The following C6 variants were observed in gnomAD, a reference collection of about 807,000 sequenced individuals.
C6 encodes complement C6.
C6 carries 101 observed loss-of-function variants against 112.9 expected under a neutral mutation model. That is an observed-to-expected ratio of 0.89 (90% CI 0.76 to 1.06). The LOEUF is 1.06. Among genes scored for constraint, C6 ranks in the 50% least tolerant of loss-of-function variants. The pLI, the probability that C6 is intolerant of heterozygous loss-of-function variation, is 0.00. For synonymous variants in C6, 431 were observed against 384.1 expected, an observed-to-expected ratio of 1.12 and a Z score of -1.43; for missense variants, 1,202 against 1,104.6, an observed-to-expected ratio of 1.09 and a Z score of -1.25.
chr5:41,183,813 A>G (rs1275233436), intron 6 of C6, among the ~76,000 whole-genome samples: 1 of 152,204 alleles, frequency 6.6e-6, no homozygotes, highest in East Asian at 1.9e-4. Context: ...AAAGAATGAA[A>G]TCATGTCCTT....
chr5:41,247,160 G>A (rs1160664578), intron 1 of C6, among the ~76,000 whole-genome samples: 1 of 152,006 alleles, frequency 6.6e-6, no homozygotes, highest in Non-Finnish European at 1.5e-5. Flanking sequence ...CTCTAAATAA[G>A]CCAATTCAAG....
At chr5:41,249,522 C>T (rs1040891623) in intron 1 of C6, among the ~76,000 whole-genome samples, 1 of 152,162 alleles carries the variant, frequency 6.6e-6, no homozygotes, top group African/African-American at 2.4e-5. Context: ...TTGAGAGCCA[C>T]AGAGGAGATT....
At chr5:41,182,021 A>C (rs1195075125) in intron 6 of C6, among the ~76,000 whole-genome samples, 1 of 152,162 alleles carries the variant, frequency 6.6e-6, no homozygotes, top group Non-Finnish European at 1.5e-5. Flanking sequence ...TCAAGAGACG[A>C]GTCTGACTTC....
rs1702161062 is a variant in C6, at chr5:41,186,162, AGTTATCAAGG to A, written c.624_633del (p.Asp210SerfsTer38). On this transcript the variant is annotated frameshift_variant, in exon 6 of 18. Coordinates refer to ENST00000337836, the MANE Select transcript of C6 (RefSeq NM_000065.5). LOFTEE classifies it high-confidence loss of function. Reference sequence around the variant, plus strand: ...GTTTTACATATTCCTCCAGTGAAAGAGTTATCAAGGACTTCTCCTCTGGGCTCTCCTGCCA... The same window carrying A: ...GTTTTACATATTCCTCCAGTGAAAGAACTTCTCCTCTGGGCTCTCCTGCCA... 1.2e-6 allele frequency: 2 copies of A among 1,613,992 alleles called. No homozygotes were observed. Among genetic ancestry groups the A allele is most frequent in the Non-Finnish European group, 1.7e-6 (2 of 1,179,914 alleles).
chr5:41,245,728 CATTG>C (rs1740983980), intron 1 of C6, among the ~76,000 whole-genome samples: 1 of 151,616 alleles, frequency 6.6e-6, no homozygotes, highest in Non-Finnish European at 1.5e-5. Flanking sequence ...TAGGAAATTA[CATTG>C]ATTGATTTTT....
chr5:41,223,250 G>T (rs1739289187), intron 1 of C6, among the ~76,000 whole-genome samples: 2 of 152,098 alleles, frequency 1.3e-5, no homozygotes, highest in East Asian at 1.9e-4. Flanking sequence ...GAAAGCACCA[G>T]ATAATTAGAG....
At chr5:41,234,666 C>T (rs1740141732) in intron 1 of C6, among the ~76,000 whole-genome samples, 1 of 152,080 alleles carries the variant, frequency 6.6e-6, no homozygotes, top group African/African-American at 2.4e-5. Flanking sequence ...TTTGGGAAAA[C>T]AGAAGAGCAG....
intron 1 of C6, among the ~76,000 whole-genome samples, chr5:41,244,646 C>T (rs2150430115): frequency 6.6e-6 from 1 of 152,324 alleles, no homozygotes; most frequent in Middle Eastern, 3.4e-3. Context: ...CACTGTCCCC[C>T]TTGGAAATTG....
At chr5:41,247,578 C>G (rs1244856911) in intron 1 of C6, among the ~76,000 whole-genome samples, 2 of 151,832 alleles carry the variant, frequency 1.3e-5, no homozygotes, top group African/African-American at 4.8e-5. Flanking sequence ...ATTAGCTGGG[C>G]ATTGTGGCGG....
chr5:41,160,031 G>T, intron 11 of C6, 111 bp downstream of exon 11: 1 of 838,252 alleles, frequency 1.2e-6, no homozygotes, highest in Non-Finnish European at 2.0e-6. Flanking sequence ...CTCTGAGCCT[G>T]TACAAGGTGG....
chr5:41,144,413 G>A (rs759024289), intron 17 of C6, among the ~76,000 whole-genome samples: 4 of 151,918 alleles, frequency 2.6e-5, no homozygotes, highest in African/African-American at 4.8e-5. Context: ...GACTACAGGT[G>A]CACCCAACCA....
intron 17 of C6, among the ~76,000 whole-genome samples, chr5:41,147,995 T>A (rs930419050): frequency 1.3e-5 from 2 of 152,202 alleles, no homozygotes; most frequent in Non-Finnish European, 2.9e-5. Flanking sequence ...CTTTACTATA[T>A]GTTCTAGGAA....
intron 1 of C6, among the ~76,000 whole-genome samples, chr5:41,232,919 C>G (rs1394509877): frequency 6.6e-6 from 1 of 151,984 alleles, no homozygotes; most frequent in African/African-American, 2.4e-5. Context: ...CATGTCTACT[C>G]TTTCTGTAAA....
intron 1 of C6, among the ~76,000 whole-genome samples, chr5:41,212,271 C>T (rs1196836846): frequency 6.6e-6 from 1 of 152,062 alleles, no homozygotes; most frequent in African/African-American, 2.4e-5. Context: ...AAGCAATTCT[C>T]TGCCTCAGCC....
chr5:41,247,178 T>C (rs1741069831), intron 1 of C6, among the ~76,000 whole-genome samples: 2 of 152,008 alleles, frequency 1.3e-5, no homozygotes, highest in Non-Finnish European at 2.9e-5. Context: ...AAGGAAGTCC[T>C]AGCCAGAACA....
chr5:41,222,822 T>C (rs1468851506), intron 1 of C6, among the ~76,000 whole-genome samples: 1 of 152,174 alleles, frequency 6.6e-6, no homozygotes, highest in Non-Finnish European at 1.5e-5. Flanking sequence ...TTTATTTCTT[T>C]TCTCTTGTAT....
chr5:41,186,560 A>C (rs1228701240), intron 5 of C6, among the ~76,000 whole-genome samples: 1 of 152,162 alleles, frequency 6.6e-6, no homozygotes, highest in Non-Finnish European at 1.5e-5. Flanking sequence ...AATAAATGCT[A>C]TCCCAGGTCT....
chr5:41,238,371 C>A (rs940459655), intron 1 of C6, among the ~76,000 whole-genome samples: 1 of 151,448 alleles, frequency 6.6e-6, no homozygotes, highest in Non-Finnish European at 1.5e-5. Flanking sequence ...GTACTGGTAC[C>A]AAAACAGAGA....
chr5:41,160,076 G>T, intron 11 of C6, 66 bp downstream of exon 11: 2 of 1,313,150 alleles, frequency 1.5e-6, no homozygotes, highest in South Asian at 1.2e-5. Context: ...CTTTTTAATT[G>T]ACCAACTTAG....
Sources: allele counts gnomAD v4.1 joint callset (sites outside exome capture counted in the v4.1 genomes callset), GRCh38; gene constraint gnomAD v4.1.1; transcripts MANE v1.5; gene names NCBI Gene and HGNC (gene_info 2026-07-23, HGNC 2026-07-21).